The following CUL3 variants were observed in gnomAD, a reference collection of about 807,000 sequenced individuals.
CUL3 encodes the protein cullin 3.
CUL3 carries 19 observed loss-of-function variants against 89.1 expected under a neutral mutation model. The observed-to-expected ratio is 0.21, with a 90% CI of 0.15 to 0.31. The LOEUF is 0.31. CUL3 is among the 10% of genes least tolerant of loss of function. CUL3 has a pLI of 1.00. For synonymous variants in CUL3, 351 were observed against 308.4 expected (o/e 1.14, Z -1.45); for missense variants, 469 against 942.3 (o/e 0.50, Z 6.58).
chr2:224,477,473 C>G (rs920104311), intron 15 of CUL3, among the ~76,000 whole-genome samples: 1 of 152,210 alleles, frequency 6.6e-6, no homozygotes, highest in African/African-American at 2.4e-5. Context: ...TAACTGCATT[C>G]TCATATAGCT....
intron 3 of CUL3, among the ~76,000 whole-genome samples, chr2:224,524,976 G>C (rs1693414667): frequency 6.6e-6 from 1 of 151,192 alleles, no homozygotes; most frequent in Non-Finnish European, 1.5e-5. Context: ...TAAGCTAATG[G>C]GGGTGGGGGT....
chr2:224,484,145 T>G (rs1691633872), intron 13 of CUL3, among the ~76,000 whole-genome samples: 1 of 152,066 alleles, frequency 6.6e-6, no homozygotes, highest in Admixed American at 6.6e-5. Context: ...CACTCCAGTC[T>G]GGGCAAGAAT....
chr2:224,572,537 A>T, intron 1 of CUL3, among the ~76,000 whole-genome samples: 1 of 147,860 alleles, frequency 6.8e-6, no homozygotes, highest in Non-Finnish European at 1.5e-5. Context: ...GCTACCCAGG[A>T]GGCTGCGGTG....
chr2:224,501,748 G>A (rs905381007), intron 10 of CUL3, among the ~76,000 whole-genome samples: 15 of 152,106 alleles, frequency 9.9e-5, no homozygotes, highest in Admixed American at 6.5e-4. Flanking sequence ...TTATACATTC[G>A]CAAGTTGGTT....
chr2:224,484,237 C>T (rs932745381), intron 13 of CUL3, among the ~76,000 whole-genome samples: 2 of 152,006 alleles, frequency 1.3e-5, no homozygotes, highest in African/African-American at 4.8e-5. Context: ...CAATTTAACC[C>T]CCCACAAAAA....
intron 1 of CUL3, among the ~76,000 whole-genome samples, chr2:224,572,499 T>A (rs1171706530): frequency 2.0e-5 from 3 of 147,326 alleles, no homozygotes; most frequent in Admixed American, 6.8e-5. Context: ...AAAAAAAAAA[T>A]TGCTGCTGAC....
intron 13 of CUL3, chr2:224,495,625 A>G: frequency 2.5e-6 from 1 of 399,576 alleles, no homozygotes; most frequent in South Asian, 4.4e-5. Flanking sequence ...TATGTTTTAT[A>G]TAAAAGTACT....
chr2:224,486,910 G>A (rs934746875), intron 13 of CUL3, among the ~76,000 whole-genome samples: 6 of 152,304 alleles, frequency 3.9e-5, no homozygotes, highest in Middle Eastern at 6.8e-3. Context: ...ACTAACAGCA[G>A]ATCCCTCTGC....
intron 3 of CUL3, among the ~76,000 whole-genome samples, chr2:224,526,040 C>T (rs996973834): frequency 2.0e-5 from 3 of 152,058 alleles, no homozygotes; most frequent in African/African-American, 4.8e-5. Context: ...GGAGAGAGTT[C>T]GTGAAATATG....
chr2:224,584,991 CT>C lies in CUL3; in HGVS notation c.18del (p.Gly7AlafsTer17), dbSNP rs2106331364. MSNLSKGTGSRKDTKM... is the reference protein window; with the variant it reads MSNLSXGTGSRKDTKM... ...TTGGTGTCCTTCCGGCTGCCCGTGC[CT>C]TTGCTCAGATTCGACATGGTGCTCG... On this transcript the variant is annotated frameshift_variant, in exon 1 of 16. Coordinates refer to ENST00000264414, the MANE Select transcript of CUL3 (RefSeq NM_003590.5). LOFTEE classifies it high-confidence loss of function. 6.6e-7 allele frequency: 1 copy of C among 1,511,020 alleles called. No individual in the cohort carries two copies. Among genetic ancestry groups the C allele is most frequent in the Non-Finnish European group, 8.9e-7 (1 of 1,118,870 alleles). The allele number at this position is 1,511,020 out of a possible 1,614,324, so 93.6% of individuals were successfully genotyped here. A position where few individuals can be genotyped will look rare whatever the true frequency, so the allele number is the denominator to read the frequency against.
chr2:224,515,481 C>G (rs1417675664), intron 3 of CUL3, among the ~76,000 whole-genome samples: 1 of 152,154 alleles, frequency 6.6e-6, no homozygotes, highest in African/African-American at 2.4e-5. Flanking sequence ...CTCGTCTCAG[C>G]AAGGATCTCT....
At chr2:224,569,784 A>G (rs558705958) in intron 1 of CUL3, 2 of 1,172,164 alleles carry the variant, frequency 1.7e-6, no homozygotes, top group Admixed American at 4.0e-5. Flanking sequence ...TACTACATAC[A>G]AAGGACAAGA....
Position 224,553,410 on chromosome 2 carries a change from T to C in CUL3, c.264+4249A>G, listed in dbSNP as rs866533606. On this transcript the variant is annotated intron_variant, in intron 2 of 15. Transcript: ENST00000264414. ...TGCCGGCAATGATCATTAATGACTA[T>C]GTATAAGGAAAGTAAATTTAAGAAT... is the stretch of plus-strand genomic sequence containing the variant. 9.8e-5 allele frequency among the ~76,000 whole-genome samples: 15 copies of C among 152,310 alleles called. 1 individual carries two copies. In the South Asian group the frequency reaches 2.5e-3, roughly 25 times the overall value.
chr2:224,566,176 T>C (rs1200493650), intron 1 of CUL3, among the ~76,000 whole-genome samples: 3 of 152,168 alleles, frequency 2.0e-5, no homozygotes, highest in East Asian at 3.8e-4. Flanking sequence ...GCTAGGTGCA[T>C]TGTCCAGTAG....
intron 2 of CUL3, among the ~76,000 whole-genome samples, chr2:224,542,297 G>T: frequency 6.6e-6 from 1 of 152,100 alleles, no homozygotes; most frequent in East Asian, 1.9e-4. Flanking sequence ...CCTTAGCAAA[G>T]ATTAAAGTGG....
At chr2:224,484,377 T>C (rs902775962) in intron 13 of CUL3, among the ~76,000 whole-genome samples, 13 of 152,196 alleles carry the variant, frequency 8.5e-5, no homozygotes, top group South Asian at 2.1e-4. Context: ...AAAATATTTT[T>C]ATATTTACAG....
chr2:224,538,290 GA>G (rs1305763150), intron 2 of CUL3, among the ~76,000 whole-genome samples: 1 of 152,098 alleles, frequency 6.6e-6, no homozygotes, highest in African/African-American at 2.4e-5. Flanking sequence ...AGTTGAAAGT[GA>G]ACAGATTATT....
chr2:224,519,679 T>C (rs1693190731), intron 3 of CUL3, among the ~76,000 whole-genome samples: 1 of 152,212 alleles, frequency 6.6e-6, no homozygotes, highest in South Asian at 2.1e-4. Flanking sequence ...GTATGATTAA[T>C]TACCATCAAG....
intron 7 of CUL3, 150 bp downstream of exon 7, chr2:224,506,708 C>T: frequency 1.4e-6 from 1 of 710,314 alleles, no homozygotes; most frequent in Admixed American, 3.5e-5. Flanking sequence ...TTGCAAAATC[C>T]TAAAATATGT....
Sources: gnomAD v4.1 joint callset for allele counts (sites outside exome capture counted in the v4.1 genomes callset) on GRCh38, gnomAD v4.1.1 for gene constraint, MANE v1.5 for transcripts, NCBI Gene and HGNC (gene_info 2026-07-23, HGNC 2026-07-21) for gene names.